The following GNS variants were observed in gnomAD, a reference collection of about 807,000 sequenced individuals.
The protein encoded by GNS is N-acetylglucosamine-6-sulfatase.
Under a neutral mutation model 69.7 loss-of-function variants are expected in GNS, and 40 were observed. That is an observed-to-expected ratio of 0.57 (90% CI 0.45 to 0.75). The LOEUF (loss-of-function observed/expected upper bound fraction) is 0.75, where lower values mean the gene tolerates loss of function less well. Ranked by LOEUF, GNS falls within the 30% of genes least tolerant of loss-of-function variation. The pLI, the probability that GNS is intolerant of heterozygous loss-of-function variation, is 0.00. For missense variants in GNS, 565 were observed against 685.5 expected (o/e 0.82, Z 1.96); for synonymous variants, 243 against 251.6 (o/e 0.97, Z 0.32).
chr12:64,741,980 T>A (rs1026535286), intron 6 of GNS, among the ~76,000 whole-genome samples: 5 of 152,168 alleles, frequency 3.3e-5, no homozygotes, highest in African/African-American at 9.7e-5. Flanking sequence ...TACTATTTTT[T>A]AATTTATTTT....
chr12:64,739,911 T>C (rs1869678660), intron 7 of GNS, among the ~76,000 whole-genome samples: 1 of 152,268 alleles, frequency 6.6e-6, no homozygotes, highest in Non-Finnish European at 1.5e-5. Flanking sequence ...AGGACTGTGC[T>C]ACAAAAAAGC....
intron 12 of GNS, 124 bp downstream of exon 12, chr12:64,721,471 C>T: frequency 1.4e-6 from 1 of 721,220 alleles, no homozygotes; most frequent in Non-Finnish European, 2.6e-6. Context: ...AAGTGAAGCA[C>T]AGATAAGAAA....
chr12:64,725,769 G>A (rs572777717), intron 10 of GNS, among the ~76,000 whole-genome samples: 1 of 151,900 alleles, frequency 6.6e-6, no homozygotes, highest in Non-Finnish European at 1.5e-5. Flanking sequence ...GGCCAAGGAG[G>A]GGGGATCACG....
intron 2 of GNS, among the ~76,000 whole-genome samples, chr12:64,748,640 C>A (rs1307649106): frequency 1.3e-5 from 2 of 152,104 alleles, no homozygotes; most frequent in Non-Finnish European, 2.9e-5. Flanking sequence ...TTACACATTT[C>A]CTATATCATT....
intron 8 of GNS, among the ~76,000 whole-genome samples, chr12:64,738,860 C>T (rs1226296465): frequency 6.6e-6 from 1 of 151,850 alleles, no homozygotes; most frequent in Non-Finnish European, 1.5e-5. Flanking sequence ...AATGCCTAAG[C>T]GATCTCCTCC....
rs563507910 is a variant in GNS at position 64,729,313 on chromosome 12, TG to T, written c.1099-257del. On this transcript the variant is annotated intron_variant, in intron 9 of 13. Transcript: ENST00000258145. ...ATATTTATTCTACCCATTCTGTTAT[TG>T]ATCAAAATGTTTTTTGAAAACTCCT... The T allele has an allele frequency of 9.6e-4, 429 of 448,976 alleles. 3 individuals are homozygous for T. The highest frequency in any genetic ancestry group is 2.5e-3 in the Admixed American group (71 of 27,852). The allele number at this position is 448,976 out of a possible 1,614,324, so 27.8% of individuals were successfully genotyped here. A position where few individuals can be genotyped will look rare whatever the true frequency, so the allele number is the denominator to read the frequency against.
At position 64,759,210 on chromosome 12, in the gene GNS, T is replaced by C. The variant is rs1870391015; in HGVS notation, c.67A>G (p.Ser23Gly). The C allele has an allele frequency of 6.5e-7, 1 of 1,547,134 alleles. No homozygotes were observed. Among genetic ancestry groups the C allele is most frequent in the Non-Finnish European group, 8.7e-7 (1 of 1,145,612 alleles). The change falls in exon 1 of 14, where the codon AGC becomes GGC. Residue 23 changes from serine (S) to glycine (G), a missense_variant. Ser to Gly is a moderately conservative substitution (Grantham distance 56). Coordinates refer to ENST00000258145, the MANE Select transcript of GNS (RefSeq NM_002076.4). ...AGCACCAGCAGTAGCAGCGCTGGGC[T>C]GCAGGAGGGCAGGTGGCGGGGGCTG... Reference protein sequence around the residue: ...RGSPRHLPSCSPALLLLVLGG... With the variant: ...RGSPRHLPSCGPALLLLVLGG...
At chr12:64,748,344 G>T (rs563821126) in intron 2 of GNS, among the ~76,000 whole-genome samples, 31 of 151,750 alleles carry the variant, frequency 2.0e-4, no homozygotes, top group Admixed American at 2.0e-3. Flanking sequence ...TGGAGTACAG[G>T]TGTGTGCCAC....
At chr12:64,741,984 T>G (rs1869751951) in intron 6 of GNS, among the ~76,000 whole-genome samples, 1 of 151,000 alleles carries the variant, frequency 6.6e-6, no homozygotes, top group Non-Finnish European at 1.5e-5. Flanking sequence ...ATTTTTTAAT[T>G]TATTTTATTT....
In GNS at chr12:64,724,452, A is replaced by C. The variant is rs140883983; in HGVS notation, c.1201-1339T>G. Among the ~76,000 whole-genome samples, 202 of 152,340 alleles carry C rather than the reference A, an allele frequency of 1.3e-3. 3 individuals carry two copies. The East Asian group carries it at 0.026, about 19-fold the overall frequency. On this transcript the variant is annotated intron_variant, in intron 10 of 13. Transcript: ENST00000258145. ...AGGCCTTGAATGCCGCAGCCACCTG[A>C]AAAGGAGGAGTTAGAGATAGGAATT...
At position 64,759,295 on chromosome 12, in the gene GNS, T is replaced by A; in HGVS notation, c.-19A>T. ...GCCGCATAGCGGACAGGCTCCGGGG[T>A]GACCCCGGGACGGGACGGGACGGAG... is the stretch of plus-strand genomic sequence containing the variant. On this transcript the variant is annotated 5_prime_UTR_variant, in exon 1 of 14. Coordinates refer to ENST00000258145, the MANE Select transcript of GNS (RefSeq NM_002076.4). The A allele has an allele frequency of 6.7e-7, 1 of 1,485,272 alleles. No homozygotes were observed. Among genetic ancestry groups the A allele is most frequent in the Non-Finnish European group, 9.0e-7 (1 of 1,116,710 alleles). The allele number at this position is 1,485,272 out of a possible 1,614,324, so 92.0% of individuals were successfully genotyped here. A position where few individuals can be genotyped will look rare whatever the true frequency, so the allele number is the denominator to read the frequency against.
intron 8 of GNS, 30 bp from the exon 9 acceptor site, chr12:64,737,137 G>A (rs1341467055): frequency 1.1e-5 from 12 of 1,119,426 alleles, no homozygotes; most frequent in Non-Finnish European, 1.5e-5. Context: ...TGTAAAGATG[G>A]AGCCAAGACA....
chr12:64,757,389 T>C lies in GNS; in HGVS notation c.192+1696A>G, dbSNP rs200761990. ...ACTGCTAGAGAAGGCTTGCTTTTTC[T>C]GGACAAAACACTCTTCAAGGACACA... On this transcript the variant is annotated intron_variant, in intron 1 of 13. Coordinates refer to ENST00000258145, the MANE Select transcript of GNS (RefSeq NM_002076.4). Among the ~76,000 whole-genome samples, 9 of 152,340 alleles carry C rather than the reference T, an allele frequency of 5.9e-5. No homozygotes were observed. In the East Asian group the frequency reaches 1.7e-3, roughly 29 times the overall value.
chr12:64,739,279 C>A, intron 8 of GNS, 102 bp downstream of exon 8: 1 of 796,986 alleles, frequency 1.3e-6, no homozygotes. Context: ...TCTGGCATGT[C>A]CACAGTTATA....
rs1193339932 is a variant in GNS, at chr12:64,743,288, A to G, written c.645T>C (p.Phe215=). 6.2e-7 allele frequency: 1 copy of G among 1,612,336 alleles called. No homozygotes were observed. The highest frequency in any genetic ancestry group is 8.5e-7 in the Non-Finnish European group (1 of 1,178,406). ...GCTCAAAGTTGGACTTGTAGTCCAG[A>G]AAGTCCAAGGAGACATTAGCCTGAC... The part of the protein sequence containing the change: ...TDVLANVSLD[F]LDYKSNFEPF... The change falls in exon 6 of 14, where the codon TTT becomes TTC. Residue 215 remains phenylalanine (F), a synonymous_variant. Transcript: ENST00000258145.
At chr12:64,719,072 T>C (rs1415597789) in intron 13 of GNS, among the ~76,000 whole-genome samples, 1 of 152,246 alleles carries the variant, frequency 6.6e-6, no homozygotes, top group Non-Finnish European at 1.5e-5. Flanking sequence ...AATATTATCT[T>C]TTTATATTGT....
intron 2 of GNS, among the ~76,000 whole-genome samples, chr12:64,748,833 C>T (rs1181056589): frequency 6.6e-6 from 1 of 152,160 alleles, no homozygotes; most frequent in Non-Finnish European, 1.5e-5. Context: ...ATACTTGGAC[C>T]AGCAGGGAAG....
chr12:64,729,593 CA>C (rs1253293509), intron 9 of GNS, among the ~76,000 whole-genome samples: 2 of 152,080 alleles, frequency 1.3e-5, no homozygotes, highest in Non-Finnish European at 1.5e-5. Flanking sequence ...AAATTTATTC[CA>C]AAAATGTAGC....
chr12:64,733,486 T>C (rs1030319441), intron 9 of GNS, among the ~76,000 whole-genome samples: 67 of 152,164 alleles, frequency 4.4e-4, no homozygotes, highest in African/African-American at 1.5e-3. Context: ...TGAATTTCTG[T>C]AGAGTTATCA....
Sources: gnomAD v4.1 joint callset for allele counts (sites outside exome capture counted in the v4.1 genomes callset) on GRCh38, gnomAD v4.1.1 for gene constraint, MANE v1.5 for transcripts, NCBI Gene and HGNC (gene_info 2026-07-23, HGNC 2026-07-21) for gene names.